Variants in HIPK4 observed in about 807,000 individuals in gnomAD.
HIPK4 encodes the protein homeodomain interacting protein kinase 4.
Under a neutral mutation model 44.8 loss-of-function variants are expected in HIPK4, and 26 were observed. That is an observed-to-expected ratio of 0.58 (90% CI 0.43 to 0.80). The LOEUF is 0.80. Among genes scored for constraint, HIPK4 ranks in the 30% least tolerant of loss-of-function variants. The probability of loss-of-function intolerance (pLI) is 0.00; values close to 1 mark genes in which losing one functional copy is unlikely to be tolerated. For synonymous variants in HIPK4, 340 were observed against 355.5 expected (o/e 0.96, Z 0.49); for missense variants, 729 against 862.6 (o/e 0.85, Z 1.94).
chr19:40,389,414 C>A lies in HIPK4; in HGVS notation c.465+24G>T. The A allele has an allele frequency of 6.9e-7, 1 of 1,448,990 alleles. No individual in the cohort carries two copies. The highest frequency in any genetic ancestry group is 9.3e-7 in the Non-Finnish European group (1 of 1,079,036). 89.8% of individuals were successfully genotyped at this position (1,448,990 alleles called of 1,614,324 possible). A position where few individuals can be genotyped will look rare whatever the true frequency, so the allele number is the denominator to read the frequency against. ...AAAAGACAAGGAACTAGGGACGCAG[C>A]CACCCTAGACGACCCCTACTCACCT... On this transcript the variant is annotated intron_variant, in intron 1 of 3. Coordinates refer to ENST00000291823, the MANE Select transcript of HIPK4 (RefSeq NM_144685.5). The surrounding 1 kb of genome is among the most constrained non-coding windows in gnomAD (Gnocchi z 4.6).
chr19:40,388,480 G>A (rs971113689), intron 1 of HIPK4, among the ~76,000 whole-genome samples: 1 of 152,204 alleles, frequency 6.6e-6, no homozygotes, highest in Admixed American at 6.5e-5. Context: ...GACAGTGGGG[G>A]TGATAATGCC....
intron 1 of HIPK4, among the ~76,000 whole-genome samples, chr19:40,384,383 A>G (rs1316141191): frequency 6.6e-6 from 1 of 152,090 alleles, no homozygotes; most frequent in Non-Finnish European, 1.5e-5. Flanking sequence ...AGCACACTGC[A>G]ACCTCCACCT....
rs777528653 is a variant in HIPK4, at chr19:40,379,773, T to C, written c.1669-4A>G. ...CGAAGAGCTCAGGGTCTGGCCTCTG[T>C]GGGGGAAGAGAGAGGGGCATCAGCC... On this transcript the variant is annotated splice_region_variant and splice_polypyrimidine_tract_variant and intron_variant, in intron 3 of 3. Transcript: ENST00000291823. The C allele has an allele frequency of 1.2e-6, 2 of 1,607,308 alleles. No homozygotes were observed. Among genetic ancestry groups the C allele is most frequent in the East Asian group, 2.2e-5 (1 of 44,744 alleles).
At chr19:40,383,446 C>T (rs563575814) in intron 2 of HIPK4, among the ~76,000 whole-genome samples, 2 of 152,166 alleles carry the variant, frequency 1.3e-5, no homozygotes, top group South Asian at 4.1e-4. Flanking sequence ...GAAACAGAGT[C>T]TTGCTCTGTC....
rs2079331331 is a variant in HIPK4, at chr19:40,380,819, G to A, written c.1172C>T (p.Pro391Leu). The change falls in exon 3 of 4, where the codon CCC (proline) becomes CTC (leucine). Residue 391 changes from proline to leucine, a missense_variant. Pro to Leu is a moderately conservative substitution (Grantham distance 98). Coordinates refer to ENST00000291823, the MANE Select transcript of HIPK4 (RefSeq NM_144685.5). The surrounding 1 kb of genome is among the most constrained non-coding windows in gnomAD (Gnocchi z 4.2). ...CTTCTCCTCAGCCAGACAGTAGTAG[G>A]GGGTCCCATCTTCTGCGGCCACGAC... ...TPVVAAEDGT[P>L]YYCLAEEKEA... 1 of 1,612,544 alleles carries A rather than the reference G, an allele frequency of 6.2e-7. No individual in the cohort carries two copies. The highest frequency in any genetic ancestry group is 1.3e-5 in the African/African-American group (1 of 74,882).
intron 1 of HIPK4, among the ~76,000 whole-genome samples, chr19:40,385,631 C>T (rs1307622103): frequency 6.6e-6 from 1 of 151,664 alleles, no homozygotes; most frequent in Non-Finnish European, 1.5e-5. Context: ...GCCATCAGTC[C>T]CCATCCTTTC....
intron 1 of HIPK4, among the ~76,000 whole-genome samples, chr19:40,388,641 T>C (rs1433615771): frequency 6.6e-6 from 1 of 152,222 alleles, no homozygotes; most frequent in Non-Finnish European, 1.5e-5. Context: ...TAGCACTGGC[T>C]CCATGACTGC....
rs537706323 is a variant in HIPK4 at position 40,380,338 on chromosome 19, C to T, written c.1653G>A (p.Met551Ile). 8 of 1,613,720 alleles carry T rather than the reference C, an allele frequency of 5.0e-6. No homozygotes were observed. The South Asian group carries it at 7.7e-5, about 16-fold the overall frequency. Reference sequence around the variant, plus strand: ...CCCGGCTCACCTCAGCTTCCATGGTCATGTTGTCAATGTTGGGCCCATCCT... The same window carrying T: ...CCCGGCTCACCTCAGCTTCCATGGTTATGTTGTCAATGTTGGGCCCATCCT... ...RDEDGPNIDN[M>I]TMEAERPDPE... The change falls in exon 3 of 4, where the codon ATG (methionine) becomes ATA (isoleucine). Residue 551 changes from methionine to isoleucine, a missense_variant. This residue lies in a region of HIPK4 where 533 missense variants were observed against 567.5 expected (regional missense o/e 0.94). Transcript: ENST00000291823. This position sits in a 1 kb window ranked among gnomAD's most constrained non-coding sequence, Gnocchi z 4.2.
chr19:40,381,416 C>CA (rs1232808931), intron 2 of HIPK4, among the ~76,000 whole-genome samples: 13 of 152,220 alleles, frequency 8.5e-5, no homozygotes, highest in Non-Finnish European at 2.9e-5. Flanking sequence ...ACCATGGGTG[C>CA]AGCCCCTACC....
chr19:40,381,496 C>T (rs1042671355), intron 2 of HIPK4, among the ~76,000 whole-genome samples: 4 of 152,216 alleles, frequency 2.6e-5, no homozygotes, highest in Non-Finnish European at 5.9e-5. Flanking sequence ...CCTCTTACTG[C>T]CACAGCTCCA....
chr19:40,385,170 G>C (rs2079357315), intron 1 of HIPK4, among the ~76,000 whole-genome samples: 1 of 152,054 alleles, frequency 6.6e-6, no homozygotes. Context: ...CTCCTCGCTG[G>C]TCTCCCTGCT....
intron 1 of HIPK4, among the ~76,000 whole-genome samples, chr19:40,388,697 A>G (rs1342519990): frequency 6.6e-6 from 1 of 152,274 alleles, no homozygotes; most frequent in East Asian, 1.9e-4. Flanking sequence ...AGTCAGCCCC[A>G]GCCTTGCCCT....
Position 40,389,736 on chromosome 19 carries a change from A to G in HIPK4, c.167T>C (p.Leu56Pro). 1 of 1,614,214 alleles carries G rather than the reference A, an allele frequency of 6.2e-7. No homozygotes were observed. The highest frequency in any genetic ancestry group is 1.1e-5 in the South Asian group (1 of 91,086). ...GCCTCGCATGCAGTGCAGCAGCTTCAGCTCGTTCTTGATGATGCGGTTGCG... is the reference window on the plus strand; with the variant it reads ...GCCTCGCATGCAGTGCAGCAGCTTCGGCTCGTTCTTGATGATGCGGTTGCG... ...AYRNRIIKNE[L>P]KLLHCMRGLD... Residue 56 changes from leucine (L) to proline (P), a missense_variant, in exon 1 of 4, where the codon CTG becomes CCG. By Grantham distance (98) the Leu-to-Pro change is moderately conservative (BLOSUM62 -3). Coordinates refer to ENST00000291823, the MANE Select transcript of HIPK4 (RefSeq NM_144685.5). This position sits in a 1 kb window ranked among gnomAD's most constrained non-coding sequence, Gnocchi z 4.6.
chr19:40,380,666 C>G lies in HIPK4; in HGVS notation c.1325G>C (p.Trp442Ser), dbSNP rs2079330079. 6.2e-7 allele frequency: 1 copy of G among 1,613,928 alleles called. No homozygotes were observed. The highest frequency in any genetic ancestry group is 8.5e-7 in the Non-Finnish European group (1 of 1,179,956). ...GACCGCATTGGTGCAGGTCTCACCC[C>G]ACAGCCCATGCCCAGCCTCCTGCAG... is the stretch of plus-strand genomic sequence containing the variant. ...LSLQEAGHGL[W>S]GETCTNAVSD... Residue 442 changes from tryptophan (W) to serine (S), a missense_variant, in exon 3 of 4, where the codon TGG becomes TCG. Trp to Ser is a radical substitution (Grantham distance 177). Coordinates refer to ENST00000291823, the MANE Select transcript of HIPK4 (RefSeq NM_144685.5). This position sits in a 1 kb window ranked among gnomAD's most constrained non-coding sequence, Gnocchi z 4.2.
rs1213897548 is a variant in HIPK4 at position 40,380,824 on chromosome 19, C to T, written c.1167G>A (p.Gly389=). ...PPTPVVAAED[G]TPYYCLAEEK... Reference sequence around the variant, plus strand: ...CCTCAGCCAGACAGTAGTAGGGGGTCCCATCTTCTGCGGCCACGACGGGCG... The same window carrying T: ...CCTCAGCCAGACAGTAGTAGGGGGTTCCATCTTCTGCGGCCACGACGGGCG... Residue 389 remains glycine, a synonymous_variant, in exon 3 of 4, where the codon GGG becomes GGA. Coordinates refer to ENST00000291823, the MANE Select transcript of HIPK4 (RefSeq NM_144685.5). The surrounding 1 kb of genome is among the most constrained non-coding windows in gnomAD (Gnocchi z 4.2). 1.2e-6 allele frequency: 2 copies of T among 1,611,480 alleles called. No homozygotes were observed. The highest frequency in any genetic ancestry group is 8.5e-7 in the Non-Finnish European group (1 of 1,177,806).
chr19:40,383,136 G>A (rs1361304449), intron 2 of HIPK4, among the ~76,000 whole-genome samples: 2 of 132,746 alleles, frequency 1.5e-5, no homozygotes, highest in Non-Finnish European at 3.1e-5. Flanking sequence ...AGGCTGGAGT[G>A]CAGTGGTGGG....
intron 1 of HIPK4, among the ~76,000 whole-genome samples, chr19:40,388,668 A>G (rs2079374070): frequency 6.6e-6 from 1 of 152,206 alleles, no homozygotes. Flanking sequence ...GGGAGATGTC[A>G]GGGACACAGC....
chr19:40,386,791 G>A (rs2079365414), intron 1 of HIPK4, among the ~76,000 whole-genome samples: 1 of 152,196 alleles, frequency 6.6e-6, no homozygotes, highest in African/African-American at 2.4e-5. Flanking sequence ...ATGAGTGAAT[G>A]AATGAATGTA....
At chr19:40,385,477 C>G (rs988673354) in intron 1 of HIPK4, among the ~76,000 whole-genome samples, 1 of 152,120 alleles carries the variant, frequency 6.6e-6, no homozygotes, top group African/African-American at 2.4e-5. Flanking sequence ...AATGCTCTTC[C>G]CTGCATGAGC....
Sources: allele counts gnomAD v4.1 joint callset (sites outside exome capture counted in the v4.1 genomes callset), GRCh38; gene constraint gnomAD v4.1.1; regional missense constraint gnomAD v4.1.1; non-coding constraint Gnocchi (gnomAD v3.1); transcripts MANE v1.5; gene names NCBI Gene and HGNC (gene_info 2026-07-23, HGNC 2026-07-21).